Variants in MAPKAPK5 observed in about 807,000 individuals in gnomAD.
The protein encoded by MAPKAPK5 is MAP kinase-activated protein kinase 5.
A neutral mutation model predicts 65.1 loss-of-function variants in MAPKAPK5; 30 were observed. The observed-to-expected ratio is 0.46, with a 90% confidence interval of 0.34 to 0.63. The LOEUF (loss-of-function observed/expected upper bound fraction) is 0.63. MAPKAPK5 is among the 20% of genes least tolerant of loss of function. The pLI, the probability that MAPKAPK5 is intolerant of heterozygous loss-of-function variation, is 0.01. For synonymous variants in MAPKAPK5, 179 were observed against 204.6 expected, an observed-to-expected ratio of 0.87 and a Z score of 1.07; for missense variants, 433 against 581.4, an observed-to-expected ratio of 0.74 and a Z score of 2.63.
At chr12:111,861,816 G>A (rs2069447963) in intron 1 of MAPKAPK5, among the ~76,000 whole-genome samples, 4 of 152,326 alleles carry the variant, frequency 2.6e-5, no homozygotes, top group Non-Finnish European at 1.5e-5. Context: ...TAGTGTGAAA[G>A]CAGCCAAAGA....
In MAPKAPK5 at chr12:111,892,079, G is replaced by T. The variant is rs141310547; in HGVS notation, c.1322-888G>T. On this transcript the variant is annotated intron_variant, in intron 13 of 13. Coordinates refer to ENST00000550735, the MANE Select transcript of MAPKAPK5 (RefSeq NM_003668.4). The stretch of plus-strand genomic sequence containing the variant: ...GATAAGTCTGTGTTCTTTTATGTCT[G>T]GCTTCTTTTAGTCAATTAAATTTTA... Among the ~76,000 whole-genome samples, 10 of 152,158 alleles carry T rather than the reference G, an allele frequency of 6.6e-5. No individual in the cohort carries two copies. In the South Asian group the frequency reaches 1.5e-3, roughly 22 times the overall value.
Position 111,900,382 on chromosome 12 carries a change from G to A in MAPKAPK5, c.*7321G>A. 1 of 456,062 alleles carries A rather than the reference G, an allele frequency of 2.2e-6. No individual in the cohort carries two copies. The highest frequency in any genetic ancestry group is 1.5e-5 in the South Asian group (1 of 64,560). The allele number at this position is 456,062 out of a possible 1,614,324, so 28.3% of individuals were successfully genotyped here. Reference sequence around the variant, plus strand: ...GCCCATGAGCTCGGGCACAACCTGGGTATTCAGCACGACCACTCGGCCTGC... The same window carrying A: ...GCCCATGAGCTCGGGCACAACCTGGATATTCAGCACGACCACTCGGCCTGC... On this transcript the variant is annotated 3_prime_UTR_variant, in exon 14 of 14. Transcript: ENST00000550735.
chr12:111,873,652 G>C (rs1437230121), intron 7 of MAPKAPK5, among the ~76,000 whole-genome samples: 2 of 152,064 alleles, frequency 1.3e-5, no homozygotes, highest in Non-Finnish European at 2.9e-5. Flanking sequence ...CTGAATTGCA[G>C]TTTTGTTGAA....
Position 111,899,848 on chromosome 12 carries a change from C to T in MAPKAPK5, c.*6787C>T, listed in dbSNP as rs1005729079. The T allele has an allele frequency of 6.6e-6, 3 of 452,646 alleles. No individual in the cohort carries two copies. Among genetic ancestry groups the T allele is most frequent in the Non-Finnish European group, 1.3e-5 (3 of 224,178 alleles). 28.0% of individuals were successfully genotyped at this position (452,646 alleles called of 1,614,324 possible). A position where few individuals can be genotyped will look rare whatever the true frequency, so the allele number is the denominator to read the frequency against. ...CAAGACGGTTTGAACATGTGTTATA[C>T]ACCATGGCACATCAAGCGTGAGTCT... On this transcript the variant is annotated 3_prime_UTR_variant, in exon 14 of 14. Transcript: ENST00000550735.
intron 1 of MAPKAPK5, among the ~76,000 whole-genome samples, chr12:111,845,219 G>A (rs1182515850): frequency 1.3e-5 from 2 of 152,074 alleles, no homozygotes; most frequent in Non-Finnish European, 2.9e-5. Flanking sequence ...CCTCCTCCCA[G>A]GTTCAAGCAA....
intron 8 of MAPKAPK5, 29 bp downstream of exon 8, chr12:111,880,556 GA>G: frequency 1.9e-6 from 3 of 1,593,056 alleles, no homozygotes; most frequent in Non-Finnish European, 2.6e-6. Context: ...CTCTTCATTT[GA>G]CAGATGCAGC....
chr12:111,888,819 A>G, intron 11 of MAPKAPK5, 66 bp from the exon 12 acceptor site: 2 of 1,582,298 alleles, frequency 1.3e-6, no homozygotes, highest in Non-Finnish European at 1.7e-6. Flanking sequence ...GTTTAGAGGT[A>G]ATATCTGTCC....
intron 1 of MAPKAPK5, among the ~76,000 whole-genome samples, chr12:111,863,924 T>G (rs559327659): frequency 2.6e-5 from 4 of 152,042 alleles, no homozygotes; most frequent in Non-Finnish European, 5.9e-5. Flanking sequence ...TTTCTTAAGG[T>G]CTGCAGTTGG....
chr12:111,872,411 T>C (rs2069813696), intron 7 of MAPKAPK5, among the ~76,000 whole-genome samples: 1 of 152,140 alleles, frequency 6.6e-6, no homozygotes, highest in South Asian at 2.1e-4. Flanking sequence ...GGCCATTCTG[T>C]TGTAAGTATG....
At chr12:111,874,353 C>T (rs972480658) in intron 7 of MAPKAPK5, among the ~76,000 whole-genome samples, 2 of 151,446 alleles carry the variant, frequency 1.3e-5, no homozygotes, top group African/African-American at 4.9e-5. Context: ...CGAGATCATG[C>T]CATTGCACTC....
rs763507730 is a variant in MAPKAPK5 at position 111,883,559 on chromosome 12, C to T, written c.661-22C>T. ...GGGGCTCTGCTTCTGCTGTGAGTGACCATTTTCTTTTTTGCTTTCAGAGCT... is the reference window on the plus strand; with the variant it reads ...GGGGCTCTGCTTCTGCTGTGAGTGATCATTTTCTTTTTTGCTTTCAGAGCT... On this transcript the variant is annotated intron_variant, in intron 8 of 13. Transcript: ENST00000550735. This position sits in a 1 kb window ranked among gnomAD's most constrained non-coding sequence, Gnocchi z 4.8. The T allele has an allele frequency of 1.2e-5, 20 of 1,608,146 alleles. No individual in the cohort carries two copies. Among genetic ancestry groups the T allele is most frequent in the Middle Eastern group, 1.7e-4 (1 of 5,916 alleles).
rs2136147505 is a variant in MAPKAPK5 at position 111,885,966 on chromosome 12, A to G, written c.899A>G (p.Asp300Gly). Residue 300 changes from aspartate to glycine, a missense_variant, in exon 10 of 14, where the codon GAC becomes GGC. Transcript: ENST00000550735. Reference protein sequence around the residue: ...EERLTIEGVLDHPWLNSTEAL... With the variant: ...EERLTIEGVLGHPWLNSTEAL... ...AGACTCACCATCGAGGGAGTGCTGG[A>G]CCACCCCTGGCTCAATTCCACCGAG... is the stretch of plus-strand genomic sequence containing the variant. 1 of 1,613,850 alleles carries G rather than the reference A, an allele frequency of 6.2e-7. No individual in the cohort carries two copies. The highest frequency in any genetic ancestry group is 8.5e-7 in the Non-Finnish European group (1 of 1,179,850).
At chr12:111,852,804 C>G (rs190900785) in intron 1 of MAPKAPK5, among the ~76,000 whole-genome samples, 2 of 152,106 alleles carry the variant, frequency 1.3e-5, no homozygotes, top group Admixed American at 1.3e-4. Context: ...GACAGAGTCT[C>G]ACTCTGTCTC....
intron 1 of MAPKAPK5, among the ~76,000 whole-genome samples, chr12:111,858,788 G>A (rs1347250727): frequency 1.4e-5 from 2 of 146,116 alleles, no homozygotes; most frequent in African/African-American, 2.5e-5. Context: ...TGATCCGCCC[G>A]CCTTGGCCTC....
chr12:111,890,519 C>T (rs900740538), intron 13 of MAPKAPK5, among the ~76,000 whole-genome samples: 2 of 152,182 alleles, frequency 1.3e-5, no homozygotes, highest in Non-Finnish European at 2.9e-5. Flanking sequence ...GGACAAAGTG[C>T]CAGCGAGTCC....
intron 1 of MAPKAPK5, among the ~76,000 whole-genome samples, chr12:111,843,879 C>G (rs1369288582): frequency 6.6e-6 from 1 of 152,212 alleles, no homozygotes. Flanking sequence ...GTGGCCCGAT[C>G]TTGGCTCACT....
chr12:111,871,066 C>CTTTTTT lies in MAPKAPK5; in HGVS notation c.484-14_484-9dup. 7.6e-7 allele frequency: 1 copy of CTTTTTT among 1,311,280 alleles called. No individual in the cohort carries two copies. Among genetic ancestry groups the CTTTTTT allele is most frequent in the Non-Finnish European group, 1.1e-6 (1 of 951,622 alleles). The allele number at this position is 1,311,280 out of a possible 1,614,324, so 81.2% of individuals were successfully genotyped here. On this transcript the variant is annotated intron_variant, in intron 6 of 13. Transcript: ENST00000550735. ...ACTGAGCACTCTGGAGCAGTGACTC[C>CTTTTTT]TTTTTTTTTTAATTTCAGGATGCCC...
At chr12:111,876,254 C>T (rs2069965246) in intron 7 of MAPKAPK5, among the ~76,000 whole-genome samples, 1 of 148,816 alleles carries the variant, frequency 6.7e-6, no homozygotes, top group Non-Finnish European at 1.5e-5. Context: ...ATCTTTGACA[C>T]TTTCCAGCTT....
Position 111,862,806 on chromosome 12 carries a change from A to C in MAPKAPK5, c.37-2444A>C, listed in dbSNP as rs139987483. Among the ~76,000 whole-genome samples, 235 of 152,296 alleles carry C rather than the reference A, an allele frequency of 1.5e-3. 1 individual carries two copies. The highest frequency in any genetic ancestry group is 5.4e-3 in the African/African-American group (226 of 41,558). On this transcript the variant is annotated intron_variant, in intron 1 of 13. Coordinates refer to ENST00000550735, the MANE Select transcript of MAPKAPK5 (RefSeq NM_003668.4). The stretch of plus-strand genomic sequence containing the variant: ...TGAATAGTTCAGTAGAACAAATCTT[A>C]TTTTCCATAGAGTCTACTGTGAGTG...
Sources: allele counts gnomAD v4.1 joint callset (sites outside exome capture counted in the v4.1 genomes callset), GRCh38; gene constraint gnomAD v4.1.1; non-coding constraint Gnocchi (gnomAD v3.1); transcripts MANE v1.5; gene names NCBI Gene and HGNC (gene_info 2026-07-23, HGNC 2026-07-21).